The following CCDC83 variants were observed in gnomAD, a reference collection of about 807,000 sequenced individuals.
CCDC83 encodes the protein coiled-coil domain containing 83, also known as coiled-coil domain-containing protein 83.
Under a neutral mutation model 50.1 loss-of-function variants are expected in CCDC83, and 54 were observed. The ratio of observed to expected loss-of-function variants is 1.08; its 90% CI spans 0.87 to 1.35. CCDC83 has a LOEUF of 1.35. Ranked by LOEUF, CCDC83 falls within the 40% of genes most tolerant of loss-of-function variation. CCDC83 has a pLI of 0.00. For missense variants in CCDC83, 518 were observed against 473.9 expected (o/e 1.09, Z -0.86); for synonymous variants, 161 against 153.3 (o/e 1.05, Z -0.37).
In CCDC83 at chr11:85,919,957, C is replaced by G. The variant is rs2093500599; in HGVS notation, c.*447C>G. 1 of 170,372 alleles carries G rather than the reference C, an allele frequency of 5.9e-6. No individual in the cohort carries two copies. Among genetic ancestry groups the G allele is most frequent in the African/African-American group, 2.4e-5 (1 of 41,534 alleles). The allele number at this position is 170,372 out of a possible 1,614,324, so 10.6% of individuals were successfully genotyped here. ...TGCAAGCCAATTCTCCGTAGTTTAA[C>G]CCTGTGTATTAGTCTGTTCTCATGC... On this transcript the variant is annotated 3_prime_UTR_variant, in exon 11 of 11. Transcript: ENST00000342404.
chr11:85,866,750 A>C (rs148159861), intron 2 of CCDC83, among the ~76,000 whole-genome samples: 46 of 152,312 alleles, frequency 3.0e-4, no homozygotes, highest in African/African-American at 1.1e-3. Context: ...AGTGTAACTA[A>C]AGGACTTTAG....
intron 7 of CCDC83, among the ~76,000 whole-genome samples, chr11:85,902,180 G>T (rs760593872): frequency 6.6e-6 from 1 of 151,878 alleles, no homozygotes; most frequent in East Asian, 1.9e-4. Context: ...AGCAGGTGGG[G>T]GTGGGGGTGA....
intron 3 of CCDC83, among the ~76,000 whole-genome samples, chr11:85,876,497 C>T (rs2093270013): frequency 6.6e-6 from 1 of 152,076 alleles, no homozygotes; most frequent in African/African-American, 2.4e-5. Flanking sequence ...TTGGCAACTT[C>T]CTTTCTTGTT....
chr11:85,865,416 T>G (rs1167295220), intron 2 of CCDC83, among the ~76,000 whole-genome samples, 198 bp downstream of exon 2: 3 of 152,256 alleles, frequency 2.0e-5, no homozygotes, highest in Non-Finnish European at 4.4e-5. Context: ...ATAGTCCAAG[T>G]AGTAGCTATG....
At chr11:85,860,192 C>T (rs557705809) in intron 1 of CCDC83, among the ~76,000 whole-genome samples, 14 of 151,192 alleles carry the variant, frequency 9.3e-5, no homozygotes, top group South Asian at 4.2e-4. Flanking sequence ...GTCCCAGCTA[C>T]TCGGGAGGCT....
At chr11:85,895,581 T>C (rs2135081523) in intron 6 of CCDC83, among the ~76,000 whole-genome samples, 197 bp downstream of exon 6, 1 of 152,332 alleles carries the variant, frequency 6.6e-6, no homozygotes, top group African/African-American at 2.4e-5. Flanking sequence ...AAAAATACTT[T>C]ATTTTATATC....
At chr11:85,902,187 G>T (rs1443074160) in intron 7 of CCDC83, among the ~76,000 whole-genome samples, 1 of 151,850 alleles carries the variant, frequency 6.6e-6, no homozygotes, top group Non-Finnish European at 1.5e-5. Context: ...GGGGGTGGGG[G>T]TGAAGTTAAC....
At chr11:85,883,297 CTTTTT>C (rs898226890) in intron 4 of CCDC83, among the ~76,000 whole-genome samples, 1 of 145,738 alleles carries the variant, frequency 6.9e-6, no homozygotes, top group Non-Finnish European at 1.5e-5. Context: ...TCTTTTTTTT[CTTTTT>C]TTTTTTAATT....
At chr11:85,871,957 T>A (rs754468507) in intron 2 of CCDC83, among the ~76,000 whole-genome samples, 16 of 152,194 alleles carry the variant, frequency 1.1e-4, no homozygotes, top group Non-Finnish European at 1.9e-4. Flanking sequence ...AAAATTATTT[T>A]ATTTATTTAC....
chr11:85,900,086 C>A (rs1039238896), intron 7 of CCDC83, among the ~76,000 whole-genome samples: 4 of 152,138 alleles, frequency 2.6e-5, no homozygotes, highest in Admixed American at 2.6e-4. Flanking sequence ...AAGAGAACTA[C>A]AGAGGATGTG....
chr11:85,911,410 T>A lies in CCDC83; in HGVS notation c.794+8T>A. ...GGATCTCAAGATACCCAGGTGAAAA[T>A]TGTTAATATATAGAGAGTATTTTGT... is the stretch of plus-strand genomic sequence containing the variant. On this transcript the variant is annotated splice_region_variant and intron_variant, in intron 8 of 10. Coordinates refer to ENST00000342404, the MANE Select transcript of CCDC83 (RefSeq NM_001286159.2). The A allele has an allele frequency of 6.3e-7, 1 of 1,579,282 alleles. No individual in the cohort carries two copies. Among genetic ancestry groups the A allele is most frequent in the Non-Finnish European group, 8.6e-7 (1 of 1,165,428 alleles).
At chr11:85,896,400 CAAAAAAAA>C (rs58450617) in intron 6 of CCDC83, among the ~76,000 whole-genome samples, 3 of 50,504 alleles carry the variant, frequency 5.9e-5, no homozygotes, top group South Asian at 1.0e-3. Context: ...GACCTTGTCT[CAAAAAAAA>C]AAAAAAAAAA....
chr11:85,862,925 G>C (rs977975447), intron 1 of CCDC83, among the ~76,000 whole-genome samples: 4 of 152,164 alleles, frequency 2.6e-5, no homozygotes, highest in Admixed American at 6.5e-5. Flanking sequence ...AAGCATTTGT[G>C]CTTTAATGGG....
At chr11:85,868,058 T>C (rs1592140511) in intron 2 of CCDC83, among the ~76,000 whole-genome samples, 1 of 152,362 alleles carries the variant, frequency 6.6e-6, no homozygotes, top group Non-Finnish European at 1.5e-5. Flanking sequence ...TCTCAGCTCC[T>C]AACAAAGCAG....
At chr11:85,908,195 AT>A (rs1288773423) in intron 7 of CCDC83, among the ~76,000 whole-genome samples, 2 of 152,106 alleles carry the variant, frequency 1.3e-5, no homozygotes, top group Admixed American at 6.5e-5. Flanking sequence ...TGGGACTGGT[AT>A]TGCTTTATAT....
chr11:85,903,646 T>G (rs1410742366), intron 7 of CCDC83, among the ~76,000 whole-genome samples: 1 of 152,154 alleles, frequency 6.6e-6, no homozygotes, highest in African/African-American at 2.4e-5. Flanking sequence ...CTTTCCATAT[T>G]CAGAAGGCCT....
chr11:85,911,328 T>C lies in CCDC83; in HGVS notation c.720T>C (p.His240=), dbSNP rs2093452830. The change falls in exon 8 of 11, where the codon CAT becomes CAC. Residue 240 remains histidine (H), a synonymous_variant. Coordinates refer to ENST00000342404, the MANE Select transcript of CCDC83 (RefSeq NM_001286159.2). The stretch of plus-strand genomic sequence containing the variant: ...TTGAAGAATTAAAAAATGCTATTCA[T>C]GAACTGGAAGCAGAAAATTTGGTGC... ...KEVEELKNAI[H]ELEAENLVLI... 3 of 1,611,514 alleles carry C rather than the reference T, an allele frequency of 1.9e-6. No individual in the cohort carries two copies. The highest frequency in any genetic ancestry group is 1.1e-5 in the South Asian group (1 of 90,498).
intron 8 of CCDC83, chr11:85,912,827 C>T (rs926488991): frequency 4.9e-6 from 4 of 822,822 alleles, no homozygotes. Context: ...AAGAGATACC[C>T]TCTAAACTGC....
chr11:85,917,163 AG>A (rs770509036), intron 10 of CCDC83, among the ~76,000 whole-genome samples: 14,435 of 98,184 alleles, frequency 0.15, 967 homozygotes, highest in Admixed American at 0.2. Context: ...AGAGAGAGAG[AG>A]AGAGAAAGAA....
Sources: allele counts gnomAD v4.1 joint callset (sites outside exome capture counted in the v4.1 genomes callset), GRCh38; gene constraint gnomAD v4.1.1; transcripts MANE v1.5; gene names NCBI Gene and HGNC (gene_info 2026-07-23, HGNC 2026-07-21).